Variants in USP19 observed in about 807,000 individuals in gnomAD.
USP19 encodes the protein ubiquitin carboxyl-terminal hydrolase 19.
USP19 carries 40 observed loss-of-function variants against 144.8 expected under a neutral mutation model. The observed-to-expected ratio is 0.28, with a 90% CI of 0.21 to 0.36. The LOEUF (loss-of-function observed/expected upper bound fraction) is 0.36, where lower values mean the gene tolerates loss of function less well. USP19 is among the 10% of genes least tolerant of loss of function. The pLI, the probability that USP19 is intolerant of heterozygous loss-of-function variation, is 1.00. For missense variants in USP19, 1,518 were observed against 1,822.5 expected, an observed-to-expected ratio of 0.83 and a Z score of 3.04; for synonymous variants, 701 against 709.3, an observed-to-expected ratio of 0.99 and a Z score of 0.19.
Position 49,115,386 on chromosome 3 carries a change from T to C in USP19, c.1889-25A>G. 1 of 1,613,964 alleles carries C rather than the reference T, an allele frequency of 6.2e-7. No individual in the cohort carries two copies. Among genetic ancestry groups the C allele is most frequent in the South Asian group, 1.1e-5 (1 of 91,076 alleles). ...TCTAGGAATAGTAGCCGAGCAAAGG[T>C]GTGAGGAACAAAGGCACTCTCTCTG... On this transcript the variant is annotated intron_variant, in intron 12 of 26. Transcript: ENST00000417901. This position sits in a 1 kb window ranked among gnomAD's most constrained non-coding sequence, Gnocchi z 6.6.
chr3:49,111,605 G>C lies in USP19; in HGVS notation c.3112C>G (p.Arg1038Gly). The change falls in exon 21 of 27, where the codon CGG (arginine) becomes GGG (glycine). Residue 1038 changes from arginine to glycine, a missense_variant. Arg to Gly is a moderately radical substitution (Grantham distance 125, BLOSUM62 -2). Transcript: ENST00000417901. The surrounding 1 kb of genome is among the most constrained non-coding windows in gnomAD (Gnocchi z 5.9). ...GLPRVWAAPD[R>G]GPVPSTSGIS... ...CCACTGGTGCTGGGCACAGGACCCC[G>C]GTCAGGGGCTGCCCACACCCGGGGA... The C allele has an allele frequency of 6.2e-7, 1 of 1,612,130 alleles. No individual in the cohort carries two copies. Among genetic ancestry groups the C allele is most frequent in the East Asian group, 2.2e-5 (1 of 44,874 alleles).
In USP19 at chr3:49,111,253, A is replaced by G. The variant is rs1393619303; in HGVS notation, c.3328+2T>C. On this transcript the variant is annotated splice_donor_variant, in intron 22 of 26. Coordinates refer to ENST00000417901, the MANE Select transcript of USP19 (RefSeq NM_001199161.2). LOFTEE classifies it high-confidence loss of function. The surrounding 1 kb of genome is among the most constrained non-coding windows in gnomAD (Gnocchi z 5.9). ...ATGGCTCCCACCCACAGCCTCAGACACCTTTGTCCTCTAGCCGCTGCTCTC... is the reference window on the plus strand; with the variant it reads ...ATGGCTCCCACCCACAGCCTCAGACGCCTTTGTCCTCTAGCCGCTGCTCTC... 6.2e-7 allele frequency: 1 copy of G among 1,613,856 alleles called. No homozygotes were observed.
At position 49,116,404 on chromosome 3, in the gene USP19, T is replaced by A; in HGVS notation, c.1283+47A>T. ...AGGACAAGAGGAAGAGCATGAGACA[T>A]ACTGTCCCACCTGAGGCATTGTTTG... On this transcript the variant is annotated intron_variant, in intron 8 of 26. Coordinates refer to ENST00000417901, the MANE Select transcript of USP19 (RefSeq NM_001199161.2). This position sits in a 1 kb window ranked among gnomAD's most constrained non-coding sequence, Gnocchi z 5.0. 4 of 1,613,972 alleles carry A rather than the reference T, an allele frequency of 2.5e-6. No individual in the cohort carries two copies. Among genetic ancestry groups the A allele is most frequent in the Non-Finnish European group, 3.4e-6 (4 of 1,179,928 alleles).
chr3:49,119,312 AG>A (rs2044731776), intron 1 of USP19, 31 bp from the exon 2 acceptor site: 1 of 869,022 alleles, frequency 1.2e-6, no homozygotes, highest in East Asian at 2.7e-5. Context: ...ATCACTGCCA[AG>A]ACCCAACAAC....
Position 49,118,107 on chromosome 3 carries a change from T to C in USP19, c.138A>G (p.Arg46=). ...DGDPRKETGS[R]YVAQAGLEPL... The stretch of plus-strand genomic sequence containing the variant: ...GTTCAAGACCAGCCTGGGCAACATA[T>C]CGAGACCCTGTCTCTAAAAAAAAAA... Residue 46 remains arginine, a synonymous_variant, in exon 3 of 27, where the codon CGA becomes CGG. Transcript: ENST00000417901. 1 of 1,337,048 alleles carries C rather than the reference T, an allele frequency of 7.5e-7. No homozygotes were observed. Among genetic ancestry groups the C allele is most frequent in the South Asian group, 1.2e-5 (1 of 80,038 alleles). 82.8% of individuals were successfully genotyped at this position (1,337,048 alleles called of 1,614,324 possible). A position where few individuals can be genotyped will look rare whatever the true frequency, so the allele number is the denominator to read the frequency against.
In USP19 at chr3:49,108,777, G is replaced by C. The variant is rs1161368119; in HGVS notation, c.4039-249C>G. 1.4e-6 allele frequency: 2 copies of C among 1,410,006 alleles called. No individual in the cohort carries two copies. The highest frequency in any genetic ancestry group is 1.8e-6 in the Non-Finnish European group (2 of 1,086,192). 87.3% of individuals were successfully genotyped at this position (1,410,006 alleles called of 1,614,324 possible). ...GTCAGAGCAGCAGGATGAATGGACA[G>C]ACAGCCAGATGGATACACACCCTAG... is the stretch of plus-strand genomic sequence containing the variant. On this transcript the variant is annotated intron_variant, in intron 26 of 26. Transcript: ENST00000417901. This position sits in a 1 kb window ranked among gnomAD's most constrained non-coding sequence, Gnocchi z 4.8.
At position 49,111,246 on chromosome 3, in the gene USP19, C is replaced by T; in HGVS notation, c.3328+9G>A. 1 of 1,614,164 alleles carries T rather than the reference C, an allele frequency of 6.2e-7. No individual in the cohort carries two copies. The highest frequency in any genetic ancestry group is 1.1e-5 in the South Asian group (1 of 91,078). ...CCACCCCATGGCTCCCACCCACAGC[C>T]TCAGACACCTTTGTCCTCTAGCCGC... On this transcript the variant is annotated intron_variant, in intron 22 of 26. Transcript: ENST00000417901. The surrounding 1 kb of genome is among the most constrained non-coding windows in gnomAD (Gnocchi z 5.9).
intron 26 of USP19, chr3:49,109,166 TC>T (rs1472875515): frequency 6.7e-7 from 1 of 1,488,414 alleles, no homozygotes; most frequent in South Asian, 1.3e-5. Context: ...AGCCTCCAGC[TC>T]CTGCCAAATC....
In USP19 at chr3:49,116,070, C is replaced by A. The variant is rs779215262; in HGVS notation, c.1448G>T (p.Gly483Val). ...ACCTCGTGCAGCCGGGGCCTCCAGG[C>A]CCCCCCAGCGCTGACTCTGCCTCTT... Reference protein sequence around the residue: ...LRKRQSQRWGGLEAPAARGAV... With the variant: ...LRKRQSQRWGVLEAPAARGAV... The change falls in exon 10 of 27, where the codon GGC becomes GTC. Residue 483 changes from glycine (G) to valine (V), a missense_variant. Physicochemically the swap from Gly to Val is moderately radical, Grantham distance 109. Transcript: ENST00000417901. This position sits in a 1 kb window ranked among gnomAD's most constrained non-coding sequence, Gnocchi z 5.0. The A allele has an allele frequency of 1.9e-6, 3 of 1,603,814 alleles. No individual in the cohort carries two copies. The highest frequency in any genetic ancestry group is 2.5e-6 in the Non-Finnish European group (3 of 1,177,346).
rs536762430 is a variant in USP19, at chr3:49,109,420, T to C, written c.4038+764A>G. Among the ~76,000 whole-genome samples the C allele has an allele frequency of 7.9e-5, 12 of 152,176 alleles. No individual in the cohort carries two copies. The South Asian group carries it at 2.5e-3, about 32-fold the overall frequency. On this transcript the variant is annotated intron_variant, in intron 26 of 26. Coordinates refer to ENST00000417901, the MANE Select transcript of USP19 (RefSeq NM_001199161.2). The stretch of plus-strand genomic sequence containing the variant: ...TACCCTAAACAGCTCTCAATCCACA[T>C]GCAGCTCCGCATGGAGGTGGGAGGG...
In USP19 at chr3:49,113,980, G is replaced by C; in HGVS notation, c.2505+12C>G. ...TCCACACATGTGATAGCCCAAGGAA[G>C]GACAAAGATACCTCCGCCAAACGCA... On this transcript the variant is annotated intron_variant, in intron 17 of 26. Coordinates refer to ENST00000417901, the MANE Select transcript of USP19 (RefSeq NM_001199161.2). 6.2e-7 allele frequency: 1 copy of C among 1,613,656 alleles called. No individual in the cohort carries two copies. Among genetic ancestry groups the C allele is most frequent in the Middle Eastern group, 1.7e-4 (1 of 5,858 alleles).
In USP19 at chr3:49,117,377, C is replaced by T; in HGVS notation, c.607-16G>A. The T allele has an allele frequency of 1.2e-6, 2 of 1,602,000 alleles. No individual in the cohort carries two copies. The highest frequency in any genetic ancestry group is 1.1e-5 in the South Asian group (1 of 90,716). ...GAGGTTTCTTCTGCCAAAGATACAGCAGTCAGGCCCTGTCGACTACACTGG... is the reference window on the plus strand; with the variant it reads ...GAGGTTTCTTCTGCCAAAGATACAGTAGTCAGGCCCTGTCGACTACACTGG... On this transcript the variant is annotated splice_polypyrimidine_tract_variant and intron_variant, in intron 5 of 26. Transcript: ENST00000417901. The surrounding 1 kb of genome is among the most constrained non-coding windows in gnomAD (Gnocchi z 4.4).
At position 49,114,876 on chromosome 3, in the gene USP19, G is replaced by T. The variant is rs1372602119; in HGVS notation, c.2182-3C>A. The T allele has an allele frequency of 6.2e-7, 1 of 1,614,038 alleles. No individual in the cohort carries two copies. The highest frequency in any genetic ancestry group is 8.5e-7 in the Non-Finnish European group (1 of 1,180,028). On this transcript the variant is annotated splice_polypyrimidine_tract_variant and splice_region_variant and intron_variant, in intron 14 of 26. Coordinates refer to ENST00000417901, the MANE Select transcript of USP19 (RefSeq NM_001199161.2). The surrounding 1 kb of genome is among the most constrained non-coding windows in gnomAD (Gnocchi z 4.5). ...TGCCATGCTTCCTCAGCTACCACCT[G>T]AGAGGCAGAGTGGTGAGAACCAAAG... is the stretch of plus-strand genomic sequence containing the variant.
In USP19 at chr3:49,116,333, C is replaced by T. The variant is rs1407086844; in HGVS notation, c.1302G>A (p.Arg434=). Reference sequence around the variant, plus strand: ...TGTGGGGCCCACAGCCCGGGTGCAGCCTCAGGAAGTTTCCATCCCTGCAGA... The same window carrying T: ...TGTGGGGCCCACAGCCCGGGTGCAGTCTCAGGAAGTTTCCATCCCTGCAGA... The part of the protein sequence containing the change: ...IFQTRDGNFL[R]LHPGCGPHTT... Residue 434 remains arginine (R), a synonymous_variant, in exon 9 of 27, where the codon AGG becomes AGA. Transcript: ENST00000417901. The surrounding 1 kb of genome is among the most constrained non-coding windows in gnomAD (Gnocchi z 5.0). The T allele has an allele frequency of 6.2e-6, 10 of 1,614,042 alleles. No homozygotes were observed. Among genetic ancestry groups the T allele is most frequent in the Non-Finnish European group, 8.5e-6 (10 of 1,180,024 alleles).
chr3:49,118,970 A>G (rs2044668004), intron 2 of USP19, 52 bp downstream of exon 2: 3 of 1,612,262 alleles, frequency 1.9e-6, no homozygotes, highest in Middle Eastern at 1.7e-4. Flanking sequence ...CTGTATACCA[A>G]TAAGATGGGA....
Position 49,115,953 on chromosome 3 carries a change from G to C in USP19, c.1472-9C>G, listed in dbSNP as rs369903272. 17 of 1,553,564 alleles carry C rather than the reference G, an allele frequency of 1.1e-5. No individual in the cohort carries two copies. The highest frequency in any genetic ancestry group is 4.5e-5 in the East Asian group (2 of 44,414). ...TGCACCACCCACTGCACCTTAAAAA[G>C]GGGGAATGAGAGGGCTGGTGGTTAG... On this transcript the variant is annotated splice_polypyrimidine_tract_variant and intron_variant, in intron 10 of 26. Transcript: ENST00000417901. The surrounding 1 kb of genome is among the most constrained non-coding windows in gnomAD (Gnocchi z 6.6).
At position 49,111,780 on chromosome 3, in the gene USP19, C is replaced by A; in HGVS notation, c.2937G>T (p.Gln979His). 6.4e-7 allele frequency: 1 copy of A among 1,556,086 alleles called. No homozygotes were observed. The highest frequency in any genetic ancestry group is 1.4e-5 in the African/African-American group (1 of 73,512). Residue 979 changes from glutamine to histidine, a missense_variant, in exon 21 of 27, where the codon CAG (glutamine) becomes CAT (histidine). Around this residue, in one of 5 missense-constraint regions of USP19, gnomAD observed 413 missense variants for 515.8 expected, o/e 0.80. Coordinates refer to ENST00000417901, the MANE Select transcript of USP19 (RefSeq NM_001199161.2). The surrounding 1 kb of genome is among the most constrained non-coding windows in gnomAD (Gnocchi z 5.9). Reference sequence around the variant, plus strand: ...GAGACTCCAAGGCCATGCGGCCTGGCTGAAAGGGTGGCTGGAATACACTCA... The same window carrying A: ...GAGACTCCAAGGCCATGCGGCCTGGATGAAAGGGTGGCTGGAATACACTCA... ...YSVSVFQPPF[Q>H]PGRMALESQS...
rs372886020 is a variant in USP19, at chr3:49,110,416, C to G, written c.3859+28G>C. 94 of 1,610,886 alleles carry G rather than the reference C, an allele frequency of 5.8e-5. 1 individual carries two copies. In the East Asian group the frequency reaches 1.2e-3, roughly 21 times the overall value. On this transcript the variant is annotated intron_variant, in intron 25 of 26. Transcript: ENST00000417901. The surrounding 1 kb of genome is among the most constrained non-coding windows in gnomAD (Gnocchi z 6.1). ...AAGTCTGCACCACCACCCCTACCAC[C>G]TATCCTGCTGGCTGTGTGTGCCCTC... is the stretch of plus-strand genomic sequence containing the variant.
Position 49,115,636 on chromosome 3 carries a change from T to A in USP19, c.1696A>T (p.Lys566Ter). 1 of 1,608,190 alleles carries A rather than the reference T, an allele frequency of 6.2e-7. No individual in the cohort carries two copies. The highest frequency in any genetic ancestry group is 8.5e-7 in the Non-Finnish European group (1 of 1,176,928). Residue 566 changes from lysine to a stop codon, truncating the protein, a stop_gained, in exon 12 of 27, where the codon AAG becomes TAG. Coordinates refer to ENST00000417901, the MANE Select transcript of USP19 (RefSeq NM_001199161.2). LOFTEE classifies it high-confidence loss of function. This position sits in a 1 kb window ranked among gnomAD's most constrained non-coding sequence, Gnocchi z 6.6. ...ATGGGAGGCACCATGCATGTAGGCT[T>A]GGGCTGCAGGAGCAAAGACGACATG... ...PKPETHLASP[K>*]PTCMVPPMPH...
Sources: gnomAD v4.1 joint callset for allele counts (sites outside exome capture counted in the v4.1 genomes callset) on GRCh38, gnomAD v4.1.1 for gene constraint, gnomAD v4.1.1 regional missense constraint, Gnocchi (gnomAD v3.1) non-coding constraint, MANE v1.5 for transcripts, NCBI Gene and HGNC (gene_info 2026-07-23, HGNC 2026-07-21) for gene names.